Variants in FSTL5 observed in about 807,000 individuals in gnomAD.
The protein encoded by FSTL5 is follistatin like 5.
FSTL5 carries 62 observed loss-of-function variants against 89.1 expected under a neutral mutation model. The observed-to-expected ratio is 0.70, with a 90% CI of 0.57 to 0.86. The LOEUF (loss-of-function observed/expected upper bound fraction) is 0.86, where lower values mean the gene tolerates loss of function less well. FSTL5 is among the 40% of genes least tolerant of loss of function. The pLI is 0.00. For missense variants in FSTL5, 1,057 were observed against 1,001.6 expected, an observed-to-expected ratio of 1.06 and a Z score of -0.75; for synonymous variants, 383 against 346.2, an observed-to-expected ratio of 1.11 and a Z score of -1.18.
intron 4 of FSTL5, among the ~76,000 whole-genome samples, chr4:161,867,145 G>A (rs1732117194): frequency 1.3e-5 from 2 of 151,864 alleles, no homozygotes; most frequent in South Asian, 4.1e-4. Flanking sequence ...TTTATCAAAT[G>A]GGTTCAGTTT....
At chr4:161,978,793 T>C (rs542067063) in intron 3 of FSTL5, among the ~76,000 whole-genome samples, 1 of 152,258 alleles carries the variant, frequency 6.6e-6, no homozygotes, top group East Asian at 1.9e-4. Context: ...CCTATTGTTA[T>C]CTCATAATTA....
At chr4:161,809,270 A>T (rs1729991520) in intron 4 of FSTL5, among the ~76,000 whole-genome samples, 1 of 152,114 alleles carries the variant, frequency 6.6e-6, no homozygotes, top group African/African-American at 2.4e-5. Flanking sequence ...CTATAACATC[A>T]CACCAATTAG....
At chr4:161,394,641 A>C (rs2110886275) in intron 15 of FSTL5, among the ~76,000 whole-genome samples, 2 of 152,318 alleles carry the variant, frequency 1.3e-5, no homozygotes, top group African/African-American at 4.8e-5. Context: ...TTAATGTATT[A>C]TTATTTTCCA....
intron 4 of FSTL5, among the ~76,000 whole-genome samples, chr4:161,806,609 G>T (rs1462762282): frequency 3.9e-5 from 6 of 152,126 alleles, no homozygotes. Flanking sequence ...ATTCAAGTTA[G>T]CCCTGAGTTA....
intron 4 of FSTL5, among the ~76,000 whole-genome samples, chr4:161,868,588 T>C (rs950310358): frequency 8.5e-5 from 13 of 152,346 alleles, no homozygotes; most frequent in African/African-American, 3.1e-4. Context: ...CTATTAATTT[T>C]TCTGGCCACA....
intron 3 of FSTL5, among the ~76,000 whole-genome samples, chr4:162,017,189 G>A (rs554258385): frequency 2.7e-4 from 41 of 152,180 alleles, no homozygotes; most frequent in African/African-American, 9.9e-4. Flanking sequence ...TATGATCATC[G>A]GACCTGTGGT....
intron 6 of FSTL5, among the ~76,000 whole-genome samples, chr4:161,757,274 C>A (rs1315229263): frequency 3.3e-5 from 5 of 151,988 alleles, no homozygotes; most frequent in African/African-American, 1.2e-4. Context: ...AACTAAATAT[C>A]GTATTTTCAA....
At chr4:161,672,210 C>T (rs543136281) in intron 6 of FSTL5, among the ~76,000 whole-genome samples, 28 of 152,276 alleles carry the variant, frequency 1.8e-4, no homozygotes, top group African/African-American at 6.7e-4. Context: ...CTGCCTGACT[C>T]AACTTCAGAC....
chr4:162,137,507 A>G (rs1441155015), intron 1 of FSTL5, among the ~76,000 whole-genome samples: 4 of 152,088 alleles, frequency 2.6e-5, no homozygotes, highest in Non-Finnish European at 4.4e-5. Flanking sequence ...TTGGAACCAC[A>G]TCTGAAATTT....
intron 6 of FSTL5, among the ~76,000 whole-genome samples, chr4:161,729,905 A>G (rs977739273): frequency 2.0e-5 from 3 of 152,208 alleles, no homozygotes; most frequent in African/African-American, 7.2e-5. Context: ...TCAGTGTACT[A>G]CGTGCCAGGC....
At chr4:162,074,048 A>G (rs565431066) in intron 2 of FSTL5, among the ~76,000 whole-genome samples, 1 of 151,918 alleles carries the variant, frequency 6.6e-6, no homozygotes, top group East Asian at 1.9e-4. Flanking sequence ...AAATTAAATT[A>G]GTTCAGCACA....
At chr4:161,663,909 C>A (rs1736798145) in intron 6 of FSTL5, among the ~76,000 whole-genome samples, 1 of 152,222 alleles carries the variant, frequency 6.6e-6, no homozygotes, top group South Asian at 2.1e-4. Flanking sequence ...GACTTCTGTG[C>A]ACCCACGGGC....
chr4:161,614,824 A>G (rs940903735), intron 7 of FSTL5, among the ~76,000 whole-genome samples: 53 of 152,234 alleles, frequency 3.5e-4, no homozygotes, highest in Non-Finnish European at 3.4e-4. Flanking sequence ...AGGATTAAGT[A>G]TTCACAATTA....
intron 6 of FSTL5, among the ~76,000 whole-genome samples, chr4:161,730,167 G>A (rs1739558006): frequency 6.6e-6 from 1 of 152,012 alleles, no homozygotes; most frequent in Non-Finnish European, 1.5e-5. Context: ...TCTTCTCTGT[G>A]TGTATTTAAG....
chr4:161,797,398 C>A (rs1367589639), intron 4 of FSTL5, among the ~76,000 whole-genome samples: 1 of 151,594 alleles, frequency 6.6e-6, no homozygotes, highest in African/African-American at 2.4e-5. Context: ...GGAACTGTAA[C>A]ATTCTGAAAA....
chr4:161,516,877 T>G (rs1297403954), intron 10 of FSTL5, among the ~76,000 whole-genome samples: 2 of 151,720 alleles, frequency 1.3e-5, no homozygotes, highest in East Asian at 3.9e-4. Flanking sequence ...TTTTAAGGGA[T>G]ATCCTTACCA....
intron 1 of FSTL5, among the ~76,000 whole-genome samples, chr4:162,163,413 G>A (rs924242381): frequency 2.0e-5 from 3 of 147,910 alleles, no homozygotes; most frequent in Non-Finnish European, 4.5e-5. Flanking sequence ...AGAATTTAGT[G>A]CATAATCACT....
chr4:162,112,235 C>T (rs1178420226), intron 1 of FSTL5, among the ~76,000 whole-genome samples: 1 of 151,310 alleles, frequency 6.6e-6, no homozygotes, highest in African/African-American at 2.4e-5. Flanking sequence ...TGTCTGATTT[C>T]TTGGGAAACT....
chr4:161,638,766 C>A (rs1395165369), intron 7 of FSTL5, among the ~76,000 whole-genome samples: 3 of 133,290 alleles, frequency 2.3e-5, no homozygotes, highest in African/African-American at 8.7e-5. Flanking sequence ...ACTGGCAAAA[C>A]GAATCCAGCA....
Sources: allele counts gnomAD v4.1 joint callset (sites outside exome capture counted in the v4.1 genomes callset), GRCh38; gene constraint gnomAD v4.1.1; transcripts MANE v1.5; gene names NCBI Gene and HGNC (gene_info 2026-07-23, HGNC 2026-07-21).